NELL1: variants seen among roughly 807,000 people sequenced by gnomAD.
NELL1 encodes the protein neural EGFL like 1, also known as protein kinase C-binding protein NELL1.
A neutral mutation model predicts 107.4 loss-of-function variants in NELL1; 76 were observed. That is an observed-to-expected ratio of 0.71 (90% CI 0.59 to 0.86). The LOEUF (loss-of-function observed/expected upper bound fraction) is 0.86. Among genes scored for constraint, NELL1 ranks in the 40% least tolerant of loss-of-function variants. The pLI is 0.00. For missense variants in NELL1, 1,024 were observed against 1,005.5 expected, an observed-to-expected ratio of 1.02 and a Z score of -0.25; for synonymous variants, 353 against 341.2, an observed-to-expected ratio of 1.03 and a Z score of -0.38.
intron 15 of NELL1, among the ~76,000 whole-genome samples, chr11:21,492,911 A>G (rs1854866762): frequency 1.3e-5 from 2 of 152,102 alleles, no homozygotes; most frequent in Non-Finnish European, 2.9e-5. Flanking sequence ...TAATAATAAA[A>G]GAAGTTGGCT....
Position 20,827,681 on chromosome 11 carries a change from C to T in NELL1, c.336-19902C>T, listed in dbSNP as rs1424971384. ...TTACTTCTGCTGACATTTCATTGTC[C>T]GGAACTCAAGCATATGGCCACACCT... On this transcript the variant is annotated intron_variant, in intron 3 of 19. Coordinates refer to ENST00000357134, the MANE Select transcript of NELL1 (RefSeq NM_006157.5). Among the ~76,000 whole-genome samples, 8 of 151,142 alleles carry T rather than the reference C, an allele frequency of 5.3e-5. 1 individual carries two copies. The highest frequency in any genetic ancestry group is 7.4e-5 in the Non-Finnish European group (5 of 67,536).
intron 3 of NELL1, among the ~76,000 whole-genome samples, chr11:20,806,690 C>T (rs1564916602): frequency 2.6e-5 from 4 of 152,210 alleles, no homozygotes; most frequent in Admixed American, 2.0e-4. Flanking sequence ...CCTTTCGAAG[C>T]TATTTTCTAG....
At chr11:20,774,979 C>T (rs1856720952) in intron 2 of NELL1, among the ~76,000 whole-genome samples, 2 of 152,168 alleles carry the variant, frequency 1.3e-5, no homozygotes, top group South Asian at 4.1e-4. Context: ...GTTGTCCTCA[C>T]TGATTTAAGG....
chr11:21,185,226 C>T (rs947755377), intron 13 of NELL1, among the ~76,000 whole-genome samples: 2 of 151,140 alleles, frequency 1.3e-5, no homozygotes, highest in African/African-American at 2.4e-5. Context: ...CAGCCCAAAT[C>T]ACATTTGTTT....
intron 12 of NELL1, among the ~76,000 whole-genome samples, chr11:21,065,544 A>G (rs1853847185): frequency 1.3e-5 from 2 of 152,172 alleles, no homozygotes; most frequent in African/African-American, 2.4e-5. Context: ...ACCACCCTTG[A>G]TAATGGATTC....
At chr11:21,247,337 C>A (rs1274776485) in intron 14 of NELL1, among the ~76,000 whole-genome samples, 1 of 152,112 alleles carries the variant, frequency 6.6e-6, no homozygotes, top group Non-Finnish European at 1.5e-5. Context: ...GACTGGTTTG[C>A]AATAACACTT....
At chr11:20,704,013 A>G (rs11511872) in intron 2 of NELL1, among the ~76,000 whole-genome samples, 19,309 of 152,158 alleles carry the variant, frequency 0.13, 1,303 homozygotes, top group African/African-American at 0.15. Flanking sequence ...GTAGATGTCT[A>G]TTAGGTCCGC....
At chr11:21,306,437 T>C (rs1363222945) in intron 14 of NELL1, among the ~76,000 whole-genome samples, 2 of 152,064 alleles carry the variant, frequency 1.3e-5, no homozygotes, top group Admixed American at 1.3e-4. Flanking sequence ...GCACCTCTTT[T>C]CTGATTCTTA....
intron 14 of NELL1, among the ~76,000 whole-genome samples, chr11:21,302,202 G>C (rs1443408064): frequency 6.6e-6 from 1 of 151,986 alleles, no homozygotes; most frequent in African/African-American, 2.4e-5. Flanking sequence ...TTGTTGACTG[G>C]AATTATATGT....
intron 15 of NELL1, among the ~76,000 whole-genome samples, chr11:21,487,378 A>T (rs1404219202): frequency 6.6e-6 from 1 of 152,204 alleles, no homozygotes; most frequent in Non-Finnish European, 1.5e-5. Flanking sequence ...TAAGTGAGGG[A>T]TAAAGTCTTT....
chr11:20,702,494 C>T (rs959507931), intron 2 of NELL1, among the ~76,000 whole-genome samples: 1 of 152,030 alleles, frequency 6.6e-6, no homozygotes, highest in Non-Finnish European at 1.5e-5. Context: ...AACTGAATAC[C>T]CTTTATTTCC....
intron 16 of NELL1, among the ~76,000 whole-genome samples, chr11:21,540,629 C>T (rs555026643): frequency 7.9e-5 from 12 of 151,792 alleles, no homozygotes; most frequent in African/African-American, 2.9e-4. Context: ...CAGACATGTC[C>T]TACATGGCTG....
intron 12 of NELL1, among the ~76,000 whole-genome samples, chr11:21,044,704 C>A (rs78867594): frequency 2.0e-5 from 3 of 151,930 alleles, no homozygotes; most frequent in African/African-American, 4.8e-5. Context: ...TTTTTCTTAA[C>A]AAGAAGTAAA....
At chr11:20,772,115 C>G (rs1000199778) in intron 2 of NELL1, among the ~76,000 whole-genome samples, 2 of 152,182 alleles carry the variant, frequency 1.3e-5, no homozygotes, top group African/African-American at 2.4e-5. Flanking sequence ...AAAAATGTCT[C>G]TTTCATGCCT....
intron 14 of NELL1, among the ~76,000 whole-genome samples, chr11:21,336,062 T>C (rs1850387220): frequency 6.6e-6 from 1 of 152,122 alleles, no homozygotes; most frequent in African/African-American, 2.4e-5. Flanking sequence ...TTTTCAACAT[T>C]ATTTATATAC....
intron 15 of NELL1, among the ~76,000 whole-genome samples, chr11:21,532,536 G>T (rs535526675): frequency 6.6e-6 from 1 of 152,278 alleles, no homozygotes; most frequent in South Asian, 2.1e-4. Flanking sequence ...ACATATGATT[G>T]CTTTGGTTGA....
At chr11:21,156,167 A>G (rs1038407486) in intron 13 of NELL1, among the ~76,000 whole-genome samples, 1 of 152,208 alleles carries the variant, frequency 6.6e-6, no homozygotes, top group Non-Finnish European at 1.5e-5. Flanking sequence ...AGATTTAAAG[A>G]GAGTGAACAT....
At chr11:21,261,974 T>C (rs1028263308) in intron 14 of NELL1, among the ~76,000 whole-genome samples, 1 of 151,846 alleles carries the variant, frequency 6.6e-6, no homozygotes, top group Non-Finnish European at 1.5e-5. Context: ...TCTCCACATA[T>C]CTTCTCGTTA....
intron 1 of NELL1, 60 bp from the exon 2 acceptor site, chr11:20,677,872 C>T: frequency 6.2e-7 from 1 of 1,600,342 alleles, no homozygotes; most frequent in South Asian, 1.1e-5. Context: ...GACTCTGTAA[C>T]CTCTGAATGC....
Sources: allele counts gnomAD v4.1 joint callset (sites outside exome capture counted in the v4.1 genomes callset), GRCh38; gene constraint gnomAD v4.1.1; transcripts MANE v1.5; gene names NCBI Gene and HGNC (gene_info 2026-07-23, HGNC 2026-07-21).